The following WLS variants were observed in gnomAD, a reference collection of about 807,000 sequenced individuals.
WLS encodes Wnt ligand secretion mediator.
WLS carries 23 observed loss-of-function variants against 62.8 expected under a neutral mutation model. That is an observed-to-expected ratio of 0.37 (90% CI 0.26 to 0.52). The LOEUF is 0.52. Among genes scored for constraint, WLS ranks in the 20% least tolerant of loss-of-function variants. The pLI is 0.92. For synonymous variants in WLS, 246 were observed against 244.1 expected, an observed-to-expected ratio of 1.01 and a Z score of -0.07; for missense variants, 615 against 697.3, an observed-to-expected ratio of 0.88 and a Z score of 1.33.
chr1:68,163,477 C>G (rs1316523145), intron 2 of WLS, among the ~76,000 whole-genome samples: 2 of 151,944 alleles, frequency 1.3e-5, no homozygotes, highest in East Asian at 3.9e-4. Context: ...TTCGGTCCCT[C>G]GCTCCTCCGG....
intron 2 of WLS, among the ~76,000 whole-genome samples, chr1:68,163,419 C>T (rs1205843406): frequency 6.7e-6 from 1 of 150,312 alleles, no homozygotes; most frequent in African/African-American, 2.4e-5. Context: ...GTGGCGGTGG[C>T]GGTGGCTGCA....
chr1:68,184,813 C>T (rs1262950479), intron 2 of WLS, among the ~76,000 whole-genome samples: 1 of 152,172 alleles, frequency 6.6e-6, no homozygotes, highest in Non-Finnish European at 1.5e-5. Context: ...TCAATGACTC[C>T]TGTTCCCAAG....
downstream of WLS, among the ~76,000 whole-genome samples, chr1:68,124,593 G>A (rs1231814303): frequency 6.6e-6 from 1 of 152,126 alleles, no homozygotes; most frequent in Non-Finnish European, 1.5e-5. Flanking sequence ...TGGGAGGCAC[G>A]GCTCCCTTTG....
downstream of WLS, among the ~76,000 whole-genome samples, chr1:68,124,671 T>C (rs1646403447): frequency 6.6e-6 from 1 of 152,140 alleles, no homozygotes; most frequent in African/African-American, 2.4e-5. Context: ...ACCATCCCAA[T>C]GTCCACCAGG....
chr1:68,224,658 A>G (rs2772285), intron 1 of WLS, among the ~76,000 whole-genome samples: 149,914 of 152,280 alleles, frequency 0.98, 73,845 homozygotes, highest in East Asian at 1. Flanking sequence ...TGGTGTAGGC[A>G]GTTCTTATGT....
chr1:68,187,063 T>C (rs1647993092), intron 2 of WLS, among the ~76,000 whole-genome samples: 1 of 151,438 alleles, frequency 6.6e-6, no homozygotes, highest in Non-Finnish European at 1.5e-5. Context: ...TACAAAAAAA[T>C]TAGCCGGGCG....
exon 12 of WLS, chr1:68,098,590 A>G (rs1341275313): frequency 6.2e-7 from 1 of 1,607,538 alleles, no homozygotes; most frequent in South Asian, 1.1e-5. Flanking sequence ...GACTGTGACA[A>G]CTGCAAATGC....
intron 1 of WLS, among the ~76,000 whole-genome samples, chr1:68,196,019 C>T (rs758787435): frequency 8.6e-5 from 13 of 151,990 alleles, no homozygotes; most frequent in Middle Eastern, 3.4e-3. Flanking sequence ...TGTCAATTCA[C>T]GGGTCAGCAC....
At chr1:68,121,881 T>C (rs1452082509), downstream of WLS, among the ~76,000 whole-genome samples, 1 of 152,214 alleles carries the variant, frequency 6.6e-6, no homozygotes, top group African/African-American at 2.4e-5. Context: ...GCTGTGTATA[T>C]TTTCTTTGGA....
At chr1:68,193,425 A>C (rs1356057140) in intron 2 of WLS, among the ~76,000 whole-genome samples, 25 of 132,612 alleles carry the variant, frequency 1.9e-4, no homozygotes, top group African/African-American at 7.9e-4. Context: ...AAAAAAAAAA[A>C]AAAAAAAAAA....
At chr1:68,221,124 C>G (rs1324586667) in intron 1 of WLS, among the ~76,000 whole-genome samples, 2 of 152,144 alleles carry the variant, frequency 1.3e-5, no homozygotes, top group African/African-American at 4.8e-5. Flanking sequence ...CTTTCATCAA[C>G]TATTACCCAG....
At chr1:68,183,102 G>A (rs1280117416) in intron 2 of WLS, among the ~76,000 whole-genome samples, 1 of 152,154 alleles carries the variant, frequency 6.6e-6, no homozygotes, top group African/African-American at 2.4e-5. Flanking sequence ...ATATTGGTCA[G>A]GCTGGTCTTG....
At chr1:68,192,214 T>C (rs1020272986) in intron 2 of WLS, among the ~76,000 whole-genome samples, 1 of 152,186 alleles carries the variant, frequency 6.6e-6, no homozygotes, top group African/African-American at 2.4e-5. Context: ...CACAATCTAT[T>C]TATTTCAGGT....
intron 1 of WLS, among the ~76,000 whole-genome samples, chr1:68,199,418 G>A (rs1182563710): frequency 6.6e-6 from 1 of 152,162 alleles, no homozygotes; most frequent in Non-Finnish European, 1.5e-5. Flanking sequence ...GCAGGGCTTA[G>A]CCTTGGAAGA....
At chr1:68,111,127 C>T (rs1003039686) in intron 11 of WLS, among the ~76,000 whole-genome samples, 2 of 152,206 alleles carry the variant, frequency 1.3e-5, no homozygotes, top group African/African-American at 2.4e-5. Context: ...AGACTTCCAG[C>T]CTCCTGAATA....
chr1:68,201,348 T>C (rs944941681), intron 1 of WLS, among the ~76,000 whole-genome samples: 6 of 152,220 alleles, frequency 3.9e-5, no homozygotes, highest in Non-Finnish European at 5.9e-5. Flanking sequence ...AATATTTGCA[T>C]TAAATTGACT....
At chr1:68,118,319 A>G (rs144664870) in intron 11 of WLS, among the ~76,000 whole-genome samples, 11 of 152,334 alleles carry the variant, frequency 7.2e-5, no homozygotes, top group African/African-American at 2.6e-4. Flanking sequence ...GCAAAATTCA[A>G]TTTCTGCATC....
At chr1:68,141,944 C>G (rs183112640) in intron 10 of WLS, among the ~76,000 whole-genome samples, 5 of 152,276 alleles carry the variant, frequency 3.3e-5, no homozygotes, top group Admixed American at 2.6e-4. Flanking sequence ...ATTGCTACCC[C>G]CTTAGAGTTG....
chr1:68,211,114 T>G (rs112674744), intron 1 of WLS, among the ~76,000 whole-genome samples: 1,933 of 152,312 alleles, frequency 0.013, 31 homozygotes, highest in Non-Finnish European at 0.018. Context: ...ACACTGTCTT[T>G]TGTTTCATTG....
Sources: gnomAD v4.1 joint callset for allele counts (sites outside exome capture counted in the v4.1 genomes callset) on GRCh38, gnomAD v4.1.1 for gene constraint, MANE v1.5 for transcripts, NCBI Gene and HGNC (gene_info 2026-07-23, HGNC 2026-07-21) for gene names.